SCNN1B: variants seen among roughly 807,000 people sequenced by gnomAD.
SCNN1B encodes sodium channel epithelial 1 subunit beta, also known as epithelial sodium channel subunit beta.
SCNN1B carries 46 observed loss-of-function variants against 65.3 expected under a neutral mutation model. The ratio of observed to expected loss-of-function variants is 0.70; its 90% confidence interval spans 0.56 to 0.90. The LOEUF is 0.90. Ranked by LOEUF, SCNN1B falls within the 40% of genes least tolerant of loss-of-function variation. SCNN1B has a pLI of 0.00. For synonymous variants in SCNN1B, 349 were observed against 330.6 expected (o/e 1.06, Z -0.60); for missense variants, 751 against 830.5 (o/e 0.90, Z 1.18).
At position 23,322,605 on chromosome 16, in the gene SCNN1B, C is replaced by T. The variant is rs373974635; in HGVS notation, c.-9+20168C>T. ...GCATTACAGGCGTGAGCCACTATGC[C>T]CAGTCCAGCAATGTAAAATTGTCAT... On this transcript the variant is annotated intron_variant, in intron 1 of 12. Coordinates refer to ENST00000343070, the MANE Select transcript of SCNN1B (RefSeq NM_000336.3). 2.6e-3 allele frequency among the ~76,000 whole-genome samples: 390 copies of T among 152,128 alleles called. 21 individuals are homozygous for T. In the South Asian group the frequency reaches 0.079, roughly 31 times the overall value.
chr16:23,377,280 GAGGGGCATCACTGGC>G, intron 9 of SCNN1B, 34 bp from the exon 10 acceptor site: 1 of 1,614,088 alleles, frequency 6.2e-7, no homozygotes, highest in Non-Finnish European at 8.5e-7. Flanking sequence ...GGCAGGCATG[GAGGGGCATCACTGGC>G]AGGGACCACA....
intron 7 of SCNN1B, among the ~76,000 whole-genome samples, chr16:23,372,345 A>C (rs1347210912): frequency 6.6e-6 from 1 of 152,218 alleles, no homozygotes; most frequent in African/African-American, 2.4e-5. Flanking sequence ...TTAGGCAGTC[A>C]CTGTTGTAAG....
Position 23,380,230 on chromosome 16 carries a change from G to A in SCNN1B, c.1542+61G>A. 2.0e-6 allele frequency: 3 copies of A among 1,522,504 alleles called. No individual in the cohort carries two copies. Among genetic ancestry groups the A allele is most frequent in the Non-Finnish European group, 2.7e-6 (3 of 1,096,702 alleles). The allele number at this position is 1,522,504 out of a possible 1,614,324, so 94.3% of individuals were successfully genotyped here. A position where few individuals can be genotyped will look rare whatever the true frequency, so the allele number is the denominator to read the frequency against. ...CCTGCCCTGACCCCTGCACCCTGAG[G>A]GTGGGGGAAGGGTTCTGAGCCCTAT... On this transcript the variant is annotated intron_variant, in intron 12 of 12. Coordinates refer to ENST00000343070, the MANE Select transcript of SCNN1B (RefSeq NM_000336.3). The surrounding 1 kb of genome is among the most constrained non-coding windows in gnomAD (Gnocchi z 5.4).
intron 5 of SCNN1B, among the ~76,000 whole-genome samples, chr16:23,368,305 G>A (rs531700250): frequency 3.3e-5 from 5 of 152,258 alleles, no homozygotes; most frequent in Admixed American, 1.3e-4. Flanking sequence ...TTGGGAGGCC[G>A]AGGCAGGAGG....
At position 23,380,551 on chromosome 16, in the gene SCNN1B, T is replaced by G. The variant is rs754979542; in HGVS notation, c.1673T>G (p.Leu558Trp). 12 of 1,614,086 alleles carry G rather than the reference T, an allele frequency of 7.4e-6. No homozygotes were observed. The East Asian group carries it at 2.2e-4, about 30-fold the overall frequency. ...ATCACCATCATCAAGCTGGTGGCCT[T>G]GGCCAAGAGCCTACGGCAGCGGCGA... is the stretch of plus-strand genomic sequence containing the variant. The part of the protein sequence containing the change: ...VWITIIKLVA[L>W]AKSLRQRRAQ... Residue 558 changes from leucine (L) to tryptophan (W), a missense_variant, in exon 13 of 13, where the codon TTG becomes TGG. Coordinates refer to ENST00000343070, the MANE Select transcript of SCNN1B (RefSeq NM_000336.3). This position sits in a 1 kb window ranked among gnomAD's most constrained non-coding sequence, Gnocchi z 5.4.
At position 23,352,934 on chromosome 16, in the gene SCNN1B, C is replaced by G; in HGVS notation, c.445C>G (p.Pro149Ala). ...NLNFSIWNHT[P>A]LVLIDERNPH... ...GAACTTCTCCATCTGGAACCACACA[C>G]CCCTGGTCCTTATTGATGAACGGAA... is the stretch of plus-strand genomic sequence containing the variant. The change falls in exon 3 of 13, where the codon CCC becomes GCC. Residue 149 changes from proline (P) to alanine (A), a missense_variant. Physicochemically the swap from Pro to Ala is conservative, Grantham distance 27 (BLOSUM62 -1). Transcript: ENST00000343070. 6.2e-7 allele frequency: 1 copy of G among 1,614,184 alleles called. No homozygotes were observed. Among genetic ancestry groups the G allele is most frequent in the African/African-American group, 1.3e-5 (1 of 75,030 alleles).
intron 1 of SCNN1B, among the ~76,000 whole-genome samples, chr16:23,278,754 C>G (rs574171532): frequency 1.5e-3 from 235 of 151,620 alleles, no homozygotes; most frequent in African/African-American, 5.4e-3. Flanking sequence ...AACATAGTGA[C>G]CCCCCCACCC....
rs1350859680 is a variant in SCNN1B at position 23,371,482 on chromosome 16, G to A, written c.1044+20G>A. ...CTCGTGGTATGGCCGGAGCCCAAGG[G>A]CAGTCCTAGAGGGTCTGAGGGTGGG... On this transcript the variant is annotated intron_variant, in intron 6 of 12. Transcript: ENST00000343070. The A allele has an allele frequency of 1.9e-6, 3 of 1,612,580 alleles. No individual in the cohort carries two copies. Among genetic ancestry groups the A allele is most frequent in the Non-Finnish European group, 2.5e-6 (3 of 1,179,634 alleles).
At chr16:23,351,730 A>G (rs552136994) in intron 2 of SCNN1B, among the ~76,000 whole-genome samples, 185 of 152,288 alleles carry the variant, frequency 1.2e-3, no homozygotes, top group African/African-American at 4.3e-3. Flanking sequence ...CCGCAGAGAT[A>G]CTTCTTGATA....
rs115813002 is a variant in SCNN1B, at chr16:23,352,457, C to T, written c.312-344C>T. ...TGATTAGATCATACGGGCGGCTTTC[C>T]GCATGCTGTGTTCGTGATAGTGAGT... On this transcript the variant is annotated intron_variant, in intron 2 of 12. Coordinates refer to ENST00000343070, the MANE Select transcript of SCNN1B (RefSeq NM_000336.3). Among the ~76,000 whole-genome samples, 1,126 of 152,254 alleles carry T rather than the reference C, an allele frequency of 7.4e-3. 8 individuals are homozygous for T. Among genetic ancestry groups the T allele is most frequent in the African/African-American group, 0.024 (990 of 41,524 alleles).
At chr16:23,376,148 T>C (rs866040168) in intron 8 of SCNN1B, among the ~76,000 whole-genome samples, 13 of 152,262 alleles carry the variant, frequency 8.5e-5, no homozygotes, top group African/African-American at 3.1e-4. Context: ...CTCACACATG[T>C]GCAACCCTGG....
intron 1 of SCNN1B, among the ~76,000 whole-genome samples, chr16:23,320,203 G>A (rs1961558405): frequency 6.6e-6 from 1 of 152,212 alleles, no homozygotes; most frequent in African/African-American, 2.4e-5. Context: ...GAGTAAGGTG[G>A]CGGGCTGGTG....
intron 2 of SCNN1B, among the ~76,000 whole-genome samples, chr16:23,352,464 T>G (rs1412925260): frequency 2.6e-5 from 4 of 152,220 alleles, no homozygotes. Context: ...TTCCGCATGC[T>G]GTGTTCGTGA....
At chr16:23,360,426 G>T (rs995275580) in intron 4 of SCNN1B, among the ~76,000 whole-genome samples, 5 of 151,746 alleles carry the variant, frequency 3.3e-5, no homozygotes, top group Admixed American at 1.3e-4. Context: ...GTACACACCT[G>T]TAGACTCAGC....
At chr16:23,369,929 T>C (rs762465143) in intron 5 of SCNN1B, among the ~76,000 whole-genome samples, 10 of 152,014 alleles carry the variant, frequency 6.6e-5, no homozygotes, top group Non-Finnish European at 1.5e-4. Flanking sequence ...GAGGAGCTCA[T>C]GTTTATTTTA....
At chr16:23,365,589 G>A (rs200994403) in intron 4 of SCNN1B, among the ~76,000 whole-genome samples, 91 of 34,884 alleles carry the variant, frequency 2.6e-3, no homozygotes, top group East Asian at 0.013. Context: ...GAAAGAAAGA[G>A]AAAGAAAGAA....
intron 1 of SCNN1B, among the ~76,000 whole-genome samples, chr16:23,346,200 C>CTTT (rs753802362): frequency 0.043 from 3,325 of 77,730 alleles, 527 homozygotes; most frequent in African/African-American, 0.11. Flanking sequence ...TTTTCCTTTT[C>CTTT]TTTTTTTTTT....
chr16:23,361,828 A>G (rs2142029765), intron 4 of SCNN1B, among the ~76,000 whole-genome samples: 1 of 151,688 alleles, frequency 6.6e-6, no homozygotes, highest in East Asian at 1.9e-4. Flanking sequence ...TTGAGATGGG[A>G]TCTCACTCTG....
At chr16:23,318,458 A>C (rs938318741) in intron 1 of SCNN1B, among the ~76,000 whole-genome samples, 2 of 152,006 alleles carry the variant, frequency 1.3e-5, no homozygotes, top group African/African-American at 4.8e-5. Flanking sequence ...AAACTACAAA[A>C]ATTAGCCGGA....
Sources: gnomAD v4.1 joint callset for allele counts (sites outside exome capture counted in the v4.1 genomes callset) on GRCh38, gnomAD v4.1.1 for gene constraint, Gnocchi (gnomAD v3.1) non-coding constraint, MANE v1.5 for transcripts, NCBI Gene and HGNC (gene_info 2026-07-23, HGNC 2026-07-21) for gene names.